Variants in SYNRG observed in about 807,000 individuals in gnomAD.
The protein encoded by SYNRG is synergin gamma, also known as AP1 gamma subunit binding protein 1.
In SYNRG, 37 loss-of-function variants were observed where a neutral mutation model predicts 130.9. The observed-to-expected ratio is 0.28, with a 90% CI of 0.22 to 0.37. The LOEUF is 0.37. SYNRG is among the 10% of genes least tolerant of loss of function. SYNRG has a pLI of 1.00. For missense variants in SYNRG, 1,338 were observed against 1,588.9 expected (o/e 0.84, Z 2.68); for synonymous variants, 539 against 568.1 (o/e 0.95, Z 0.73).
At chr17:37,589,567 G>A (rs1311580992) in intron 3 of SYNRG, among the ~76,000 whole-genome samples, 2 of 151,680 alleles carry the variant, frequency 1.3e-5, no homozygotes, top group South Asian at 2.1e-4. Flanking sequence ...TGGCTAACAC[G>A]ATGAAATCCC....
intron 1 of SYNRG, chr17:37,600,647 C>T (rs1468728022): frequency 1.6e-5 from 10 of 614,022 alleles, no homozygotes; most frequent in Non-Finnish European, 2.9e-5. Flanking sequence ...GGCTCTGTCA[C>T]TTCGTGTCCT....
At chr17:37,586,305 A>T in intron 4 of SYNRG, 114 bp downstream of exon 4, 1 of 1,452,654 alleles carries the variant, frequency 6.9e-7, no homozygotes, top group Non-Finnish European at 9.2e-7. Context: ...TAAGAGTTTT[A>T]AAGACAACTT....
intron 1 of SYNRG, among the ~76,000 whole-genome samples, chr17:37,603,901 A>G (rs570507738): frequency 2.0e-5 from 3 of 152,218 alleles, no homozygotes; most frequent in African/African-American, 7.2e-5. Flanking sequence ...CCAGACATTG[A>G]CTTCTCCTCT....
rs371221688 is a variant in SYNRG, at chr17:37,526,882, G to A, written c.3667-6234C>T. 2.6e-5 allele frequency among the ~76,000 whole-genome samples: 4 copies of A among 152,172 alleles called. No homozygotes were observed. The East Asian group carries it at 5.8e-4, about 22-fold the overall frequency. ...ATTTGCAAAGGTAACATATTGACAA[G>A]TTCCCAGGACATGGGTAGCTTTGAG... On this transcript the variant is annotated intron_variant, in intron 19 of 21. Coordinates refer to ENST00000612223, the MANE Select transcript of SYNRG (RefSeq NM_007247.6).
In SYNRG at chr17:37,553,456, G is replaced by A. The variant is rs2058857642; in HGVS notation, c.2267C>T (p.Ser756Phe). Residue 756 changes from serine to phenylalanine, a missense_variant, in exon 14 of 22, where the codon TCT becomes TTT. By Grantham distance (155) the Ser-to-Phe change is radical. Around this residue, in one of 3 missense-constraint regions of SYNRG, gnomAD observed 1,146 missense variants for 1,342.3 expected, o/e 0.85. Coordinates refer to ENST00000612223, the MANE Select transcript of SYNRG (RefSeq NM_007247.6). ...TTTCAGGTCTTCAACACCTAGTCCA[G>A]ACCCTTCCAGAGAAAGTTGTCTGAA... ...DVFRQLSLEG[S>F]GLGVEDLKDN... is the part of the protein sequence containing the mutation. 2 of 1,614,038 alleles carry A rather than the reference G, an allele frequency of 1.2e-6. No individual in the cohort carries two copies. Among genetic ancestry groups the A allele is most frequent in the African/African-American group, 1.3e-5 (1 of 74,914 alleles).
rs2054362417 is a variant in SYNRG at position 37,515,539 on chromosome 17, A to AAG, written c.*3400_*3401insCT. On this transcript the variant is annotated 3_prime_UTR_variant, in exon 22 of 22. Transcript: ENST00000612223. ...AGTGGCGCGATCTCGGCTCACTGCA[A>AAG]CCTCCGCCTCTCTGGTTCAAGCAAT... The AAG allele has an allele frequency of 6.6e-6, 1 of 152,230 alleles. No homozygotes were observed. Among genetic ancestry groups the AAG allele is most frequent in the Non-Finnish European group, 1.5e-5 (1 of 68,098 alleles). The allele number at this position is 152,230 out of a possible 1,614,324, so 9.4% of individuals were successfully genotyped here. A position where few individuals can be genotyped will look rare whatever the true frequency, so the allele number is the denominator to read the frequency against.
Position 37,580,648 on chromosome 17 carries a change from C to T in SYNRG, c.590-3035G>A, listed in dbSNP as rs775425877. ...CTCCTGGGTTCAAGTGATTCTTCTG[C>T]CTCAAACTCCCAAGTAGCTGGGGCT... On this transcript the variant is annotated intron_variant, in intron 6 of 21. Coordinates refer to ENST00000612223, the MANE Select transcript of SYNRG (RefSeq NM_007247.6). Among the ~76,000 whole-genome samples, 41 of 152,230 alleles carry T rather than the reference C, an allele frequency of 2.7e-4. No homozygotes were observed. The Middle Eastern group carries it at 0.01, about 38-fold the overall frequency.
chr17:37,577,064 GA>G (rs1485309592), intron 7 of SYNRG, among the ~76,000 whole-genome samples: 1 of 151,974 alleles, frequency 6.6e-6, no homozygotes. Flanking sequence ...AACCTTTATG[GA>G]AGAACAGAAA....
At chr17:37,544,791 G>C (rs1433670565) in intron 14 of SYNRG, among the ~76,000 whole-genome samples, 3 of 152,094 alleles carry the variant, frequency 2.0e-5, no homozygotes, top group Non-Finnish European at 4.4e-5. Flanking sequence ...GTTAAATACA[G>C]GACTATTCTT....
chr17:37,561,049 A>G, intron 13 of SYNRG, 146 bp downstream of exon 13: 1 of 694,382 alleles, frequency 1.4e-6, no homozygotes, highest in Non-Finnish European at 2.5e-6. Context: ...ACTATACCAT[A>G]TTGTTTTGTC....
rs750935409 is a variant in SYNRG at position 37,576,418 on chromosome 17, C to A, written c.824G>T (p.Gly275Val). The A allele has an allele frequency of 5.6e-6, 9 of 1,613,390 alleles. No homozygotes were observed. Among genetic ancestry groups the A allele is most frequent in the East Asian group, 4.5e-5 (2 of 44,836 alleles). Reference protein sequence around the residue: ...SDQNLSIEESGVGVFPSQDPA... With the variant: ...SDQNLSIEESVVGVFPSQDPA... ...ATCCTGTGAGGGAAATACTCCCACA[C>A]CTAGAAGGTAAGAAACATTAATGTA... Residue 275 changes from glycine (G) to valine (V), a missense_variant and splice_region_variant, in exon 8 of 22, where the codon GGT (glycine) becomes GTT (valine). Physicochemically the swap from Gly to Val is moderately radical, Grantham distance 109 (BLOSUM62 -3). Coordinates refer to ENST00000612223, the MANE Select transcript of SYNRG (RefSeq NM_007247.6).
At chr17:37,538,509 C>T (rs1309194359) in intron 17 of SYNRG, 89 bp from the exon 18 acceptor site, 4 of 833,172 alleles carry the variant, frequency 4.8e-6, no homozygotes, top group Non-Finnish European at 7.6e-6. Context: ...AACCGAAAAG[C>T]CAGGAGGTGT....
At chr17:37,556,685 TTA>T (rs1468088335) in intron 13 of SYNRG, among the ~76,000 whole-genome samples, 2 of 152,078 alleles carry the variant, frequency 1.3e-5, no homozygotes, top group African/African-American at 4.8e-5. Context: ...TTCCTGTAAT[TTA>T]TATTTGTAAG....
At chr17:37,571,109 G>A (rs2060401757) in intron 9 of SYNRG, among the ~76,000 whole-genome samples, 1 of 152,138 alleles carries the variant, frequency 6.6e-6, no homozygotes, top group African/African-American at 2.4e-5. Context: ...TTCACTTTCT[G>A]ACAAGTTTGG....
intron 3 of SYNRG, among the ~76,000 whole-genome samples, chr17:37,588,777 T>A (rs1023389627): frequency 6.6e-6 from 1 of 151,152 alleles, no homozygotes; most frequent in African/African-American, 2.4e-5. Context: ...CCAAAGTATA[T>A]AAAATACAAA....
At chr17:37,561,086 C>T in intron 13 of SYNRG, 109 bp downstream of exon 13, 2 of 900,810 alleles carry the variant, frequency 2.2e-6, no homozygotes, top group Non-Finnish European at 3.5e-6. Flanking sequence ...CCTAAACACA[C>T]AGACACACAC....
chr17:37,581,885 C>T (rs983954266), intron 6 of SYNRG, among the ~76,000 whole-genome samples: 1 of 152,046 alleles, frequency 6.6e-6, no homozygotes. Context: ...CTGCCTCAGC[C>T]TCCTGAATGG....
In SYNRG at chr17:37,520,549, A is replaced by T. The variant is rs766987614; in HGVS notation, c.3766T>A (p.Ser1256Thr). 18 of 1,614,052 alleles carry T rather than the reference A, an allele frequency of 1.1e-5. No homozygotes were observed. The Admixed American group carries it at 2.7e-4, about 24-fold the overall frequency. Residue 1256 changes from serine to threonine, a missense_variant, in exon 20 of 22, where the codon TCG becomes ACG. Ser to Thr is a moderately conservative substitution (Grantham distance 58). Around this residue, in one of 3 missense-constraint regions of SYNRG, gnomAD observed 1,146 missense variants for 1,342.3 expected, o/e 0.85. Coordinates refer to ENST00000612223, the MANE Select transcript of SYNRG (RefSeq NM_007247.6). ...GCTGCGTGACTTACCCGGCTCCTCGAGTCCACATTCAAGAGGCACACTCCA... is the reference window on the plus strand; with the variant it reads ...GCTGCGTGACTTACCCGGCTCCTCGTGTCCACATTCAAGAGGCACACTCCA... ...ACGVCLLNVD[S>T]RSRKEEKPAE...
chr17:37,553,870 T>C lies in SYNRG; in HGVS notation c.1853A>G (p.Asp618Gly). 2 of 1,612,286 alleles carry C rather than the reference T, an allele frequency of 1.2e-6. No individual in the cohort carries two copies. Among genetic ancestry groups the C allele is most frequent in the Non-Finnish European group, 1.7e-6 (2 of 1,179,672 alleles). Reference protein sequence around the residue: ...VKNPLNLADLDMFSSVNCSSE... With the variant: ...VKNPLNLADLGMFSSVNCSSE... ...GCTGCAATTAACTGAGGAAAACATA[T>C]CTAGGTCTGCTAAGTTCAGAGGGTT... The change falls in exon 14 of 22, where the codon GAT becomes GGT. Residue 618 changes from aspartate to glycine, a missense_variant. Around this residue, in one of 3 missense-constraint regions of SYNRG, gnomAD observed 1,146 missense variants for 1,342.3 expected, o/e 0.85. Coordinates refer to ENST00000612223, the MANE Select transcript of SYNRG (RefSeq NM_007247.6).
Sources: allele counts gnomAD v4.1 joint callset (sites outside exome capture counted in the v4.1 genomes callset), GRCh38; gene constraint gnomAD v4.1.1; regional missense constraint gnomAD v4.1.1; transcripts MANE v1.5; gene names NCBI Gene and HGNC (gene_info 2026-07-23, HGNC 2026-07-21).